COG5: variants seen among roughly 807,000 people sequenced by gnomAD.
COG5 encodes conserved oligomeric Golgi complex subunit 5.
In COG5, 86 loss-of-function variants were observed where a neutral mutation model predicts 110.4. The ratio of observed to expected loss-of-function variants is 0.78; its 90% CI spans 0.65 to 0.93. The LOEUF is 0.93. COG5 is among the 40% of genes least tolerant of loss of function. The pLI, the probability that COG5 is intolerant of heterozygous loss-of-function variation, is 0.00. For missense variants in COG5, 1,077 were observed against 987.0 expected, an observed-to-expected ratio of 1.09 and a Z score of -1.22; for synonymous variants, 360 against 334.6, an observed-to-expected ratio of 1.08 and a Z score of -0.83.
At chr7:107,505,976 G>C (rs781196680) in intron 6 of COG5, among the ~76,000 whole-genome samples, 1 of 152,188 alleles carries the variant, frequency 6.6e-6, no homozygotes, top group Non-Finnish European at 1.5e-5. Flanking sequence ...GCTCTGATGG[G>C]GGTGGCAGGA....
At chr7:107,453,176 C>A (rs950237894) in intron 6 of COG5, among the ~76,000 whole-genome samples, 2 of 152,134 alleles carry the variant, frequency 1.3e-5, no homozygotes, top group Non-Finnish European at 2.9e-5. Context: ...TCAAAATAAT[C>A]TGAACAATAG....
intron 6 of COG5, among the ~76,000 whole-genome samples, chr7:107,522,207 G>A (rs1476269354): frequency 4.6e-5 from 7 of 152,144 alleles, no homozygotes; most frequent in African/African-American, 1.7e-4. Context: ...AGTGGCTCAC[G>A]CCTGTAATCC....
intron 11 of COG5, among the ~76,000 whole-genome samples, chr7:107,308,628 G>A (rs556837858): frequency 6.6e-6 from 1 of 152,026 alleles, no homozygotes; most frequent in South Asian, 2.1e-4. Flanking sequence ...TGAATTATTT[G>A]GTTTCTCTGA....
intron 8 of COG5, among the ~76,000 whole-genome samples, chr7:107,372,163 C>T (rs1814235361): frequency 1.3e-5 from 2 of 152,100 alleles, no homozygotes; most frequent in Admixed American, 1.3e-4. Flanking sequence ...TCTATGTCCA[C>T]AGTCAGTCAT....
At chr7:107,432,030 G>A (rs964629430) in intron 6 of COG5, among the ~76,000 whole-genome samples, 1 of 152,118 alleles carries the variant, frequency 6.6e-6, no homozygotes. Flanking sequence ...AAGTGTGTGT[G>A]TGTGTTTGTG....
intron 7 of COG5, among the ~76,000 whole-genome samples, chr7:107,393,431 A>G (rs774459736): frequency 6.6e-6 from 1 of 152,244 alleles, no homozygotes; most frequent in Non-Finnish European, 1.5e-5. Context: ...ACACCTTATG[A>G]GTAAATATTG....
chr7:107,259,595 G>T (rs1329530757), intron 14 of COG5, among the ~76,000 whole-genome samples: 5 of 151,942 alleles, frequency 3.3e-5, no homozygotes, highest in Non-Finnish European at 7.4e-5. Flanking sequence ...GGGGCAGGGG[G>T]GGTCAAATGC....
chr7:107,526,021 G>T (rs1381677208), intron 6 of COG5, among the ~76,000 whole-genome samples: 1 of 152,110 alleles, frequency 6.6e-6, no homozygotes, highest in Non-Finnish European at 1.5e-5. Flanking sequence ...TATTTGTGAA[G>T]GATTTCCTTG....
At chr7:107,426,918 A>G (rs759835707) in intron 6 of COG5, among the ~76,000 whole-genome samples, 18 of 152,320 alleles carry the variant, frequency 1.2e-4, no homozygotes, top group South Asian at 6.2e-4. Flanking sequence ...TCAACTAGGA[A>G]CCCTAACTTC....
chr7:107,206,589 T>C (rs1466544516), intron 21 of COG5, among the ~76,000 whole-genome samples: 2 of 152,208 alleles, frequency 1.3e-5, no homozygotes, highest in Non-Finnish European at 2.9e-5. Context: ...CCAAGGTGTA[T>C]GTATCAGCGT....
chr7:107,382,671 T>G (rs1815229573), intron 7 of COG5, among the ~76,000 whole-genome samples: 1 of 152,032 alleles, frequency 6.6e-6, no homozygotes. Context: ...ACTCCTGACC[T>G]CAAGTGATCC....
chr7:107,437,706 AT>A (rs1794452584), intron 6 of COG5, among the ~76,000 whole-genome samples: 1 of 152,132 alleles, frequency 6.6e-6, no homozygotes, highest in Admixed American at 6.6e-5. Context: ...CTTAATATGC[AT>A]TTTTAAACCA....
rs1809659828 is a variant in COG5 at position 107,325,207 on chromosome 7, CAAAG to C, written c.1027-690_1027-687del. Among the ~76,000 whole-genome samples the C allele has an allele frequency of 3.3e-5, 5 of 152,052 alleles. No homozygotes were observed. In the South Asian group the frequency reaches 1.0e-3, roughly 32 times the overall value. The stretch of plus-strand genomic sequence containing the variant: ...TAAAGTATCATTTGTTAAAGAAAGA[CAAAG>C]AACTTTAACACTGTTAAAATAGAAT... On this transcript the variant is annotated intron_variant, in intron 10 of 21. Transcript: ENST00000297135.
At chr7:107,379,622 G>T (rs556607242) in intron 7 of COG5, among the ~76,000 whole-genome samples, 7 of 151,242 alleles carry the variant, frequency 4.6e-5, no homozygotes, top group Non-Finnish European at 8.8e-5. Flanking sequence ...AAAAGCGGGG[G>T]TTGCAATCCT....
At chr7:107,562,878 T>TA (rs1237500708) in intron 1 of COG5, among the ~76,000 whole-genome samples, 31 of 152,332 alleles carry the variant, frequency 2.0e-4, no homozygotes, top group Admixed American at 1.9e-3. Context: ...ATGATGAATT[T>TA]AAAAAACATT....
Position 107,203,572 on chromosome 7 carries a change from G to T in COG5, c.2434C>A (p.Pro812Thr). Reference sequence around the variant, plus strand: ...AGCTGAACCATTATGGGATAAACTGGTGCAAATTCTTTGCCTTCTCTACTT... The same window carrying T: ...AGCTGAACCATTATGGGATAAACTGTTGCAAATTCTTTGCCTTCTCTACTT... ...VRSREGKEFA[P>T]VYPIMVQLLQ... is the part of the protein sequence containing the mutation. Residue 812 changes from proline to threonine, a missense_variant, in exon 22 of 22, where the codon CCA becomes ACA. Coordinates refer to ENST00000297135, the MANE Select transcript of COG5 (RefSeq NM_006348.5). 1 of 1,614,108 alleles carries T rather than the reference G, an allele frequency of 6.2e-7. No individual in the cohort carries two copies. Among genetic ancestry groups the T allele is most frequent in the Non-Finnish European group, 8.5e-7 (1 of 1,179,994 alleles).
chr7:107,298,163 ATG>A lies in COG5; in HGVS notation c.1290_1291del (p.Ile431ThrfsTer7). The A allele has an allele frequency of 6.3e-7, 1 of 1,586,540 alleles. No homozygotes were observed. The highest frequency in any genetic ancestry group is 8.6e-7 in the Non-Finnish European group (1 of 1,165,056). On this transcript the variant is annotated frameshift_variant, in exon 12 of 22. Transcript: ENST00000297135. LOFTEE classifies it high-confidence loss of function. ...ATACTCATAATCTGGCTTTTTTGGT[ATG>A]AATATATCTTGTGCATCATCTTCCA... is the stretch of plus-strand genomic sequence containing the variant.
chr7:107,201,503 C>A lies in COG5; in HGVS notation c.*2013G>T. On this transcript the variant is annotated 3_prime_UTR_variant, in exon 22 of 22. Transcript: ENST00000297135. ...TCTTGATGGAAAGACTTAAGAAGAT[C>A]AAGGTCTCACCATTTGTCCTCAATT... The A allele has an allele frequency of 2.2e-6, 2 of 921,258 alleles. No individual in the cohort carries two copies. The highest frequency in any genetic ancestry group is 1.4e-5 in the South Asian group (1 of 69,612). 57.1% of individuals were successfully genotyped at this position (921,258 alleles called of 1,614,324 possible). A position where few individuals can be genotyped will look rare whatever the true frequency, so the allele number is the denominator to read the frequency against.
chr7:107,214,660 G>A (rs1386339952), intron 19 of COG5, among the ~76,000 whole-genome samples: 1 of 152,150 alleles, frequency 6.6e-6, no homozygotes, highest in African/African-American at 2.4e-5. Flanking sequence ...AGTGACTCAT[G>A]CCTATAATCC....
Sources: allele counts gnomAD v4.1 joint callset (sites outside exome capture counted in the v4.1 genomes callset), GRCh38; gene constraint gnomAD v4.1.1; transcripts MANE v1.5; gene names NCBI Gene and HGNC (gene_info 2026-07-23, HGNC 2026-07-21).